Variants in GNG2 observed in about 807,000 individuals in gnomAD.
GNG2 encodes the protein G protein subunit gamma 2.
Under a neutral mutation model 5.5 loss-of-function variants are expected in GNG2, and 5 were observed. That is an observed-to-expected ratio of 0.91 (90% CI 0.48 to 1.92). The LOEUF is 1.92. Ranked by LOEUF, GNG2 falls within the 30% of genes most tolerant of loss-of-function variation. GNG2 has a pLI of 0.01. For missense variants in GNG2, 55 were observed against 88.4 expected, an observed-to-expected ratio of 0.62 and a Z score of 1.52; for synonymous variants, 28 against 32.0, an observed-to-expected ratio of 0.88 and a Z score of 0.42.
chr14:51,859,351 T>G (rs539852452), upstream of GNG2, among the ~76,000 whole-genome samples: 1 of 152,300 alleles, frequency 6.6e-6, no homozygotes, highest in South Asian at 2.1e-4. Context: ...GACTCACACG[T>G]TGAATAAATT....
chr14:51,837,761 T>A (rs1881371895), intron 2 of GNG2, among the ~76,000 whole-genome samples: 1 of 152,062 alleles, frequency 6.6e-6, no homozygotes, highest in South Asian at 2.1e-4. Flanking sequence ...AACTGAAGTA[T>A]TTATAGAGGC....
At chr14:51,831,755 C>G (rs574411904) in intron 2 of GNG2, among the ~76,000 whole-genome samples, 177 of 152,246 alleles carry the variant, frequency 1.2e-3, no homozygotes, top group African/African-American at 4.0e-3. Context: ...TGACCAATGC[C>G]AGCATAGTGT....
upstream of GNG2, among the ~76,000 whole-genome samples, chr14:51,856,255 G>C (rs867989024): frequency 3.0e-4 from 46 of 152,210 alleles, no homozygotes; most frequent in African/African-American, 1.1e-3. Context: ...CAGCATTGCA[G>C]AGAGATTAAA....
upstream of GNG2, among the ~76,000 whole-genome samples, chr14:51,856,614 G>T (rs1882174128): frequency 6.6e-6 from 1 of 152,154 alleles, no homozygotes; most frequent in Non-Finnish European, 1.5e-5. Flanking sequence ...TGTATTTTTA[G>T]TAGAGATGGG....
chr14:51,864,892 A>G (rs1882770568), intron 1 of GNG2, among the ~76,000 whole-genome samples: 1 of 152,202 alleles, frequency 6.6e-6, no homozygotes, highest in Admixed American at 6.5e-5. Context: ...GTTTCTACTA[A>G]TGAAGTGTGA....
At chr14:51,895,865 A>C (rs923588907) in intron 2 of GNG2, among the ~76,000 whole-genome samples, 1 of 152,244 alleles carries the variant, frequency 6.6e-6, no homozygotes, top group Admixed American at 6.5e-5. Flanking sequence ...GATGGTCTTA[A>C]AAATGGGAGT....
chr14:51,848,105 C>G (rs1881722181), intron 2 of GNG2, among the ~76,000 whole-genome samples: 1 of 151,910 alleles, frequency 6.6e-6, no homozygotes, highest in Non-Finnish European at 1.5e-5. Context: ...CTTCCTCACC[C>G]TTACTCTCCT....
At chr14:51,941,891 C>T (rs962162547) in intron 2 of GNG2, among the ~76,000 whole-genome samples, 1 of 152,164 alleles carries the variant, frequency 6.6e-6, no homozygotes, top group South Asian at 2.1e-4. Context: ...AATAAAATTT[C>T]TTCTGTATTA....
At chr14:51,886,568 G>C (rs961500792) in intron 2 of GNG2, among the ~76,000 whole-genome samples, 1 of 152,144 alleles carries the variant, frequency 6.6e-6, no homozygotes, top group Admixed American at 6.5e-5. Context: ...CAAGGATAAG[G>C]GCAGAGTATA....
At chr14:51,915,672 A>G (rs1886577878) in intron 2 of GNG2, among the ~76,000 whole-genome samples, 1 of 152,222 alleles carries the variant, frequency 6.6e-6, no homozygotes, top group African/African-American at 2.4e-5. Context: ...CACAACAGAA[A>G]ATTGGTATTT....
chr14:51,852,139 G>C (rs1881935566), intron 2 of GNG2, among the ~76,000 whole-genome samples: 1 of 152,086 alleles, frequency 6.6e-6, no homozygotes, highest in African/African-American at 2.4e-5. Context: ...GACCATAACT[G>C]ATCTTGAGCC....
At chr14:51,949,132 A>G (rs1044680421) in intron 2 of GNG2, among the ~76,000 whole-genome samples, 8 of 151,934 alleles carry the variant, frequency 5.3e-5, no homozygotes, top group Admixed American at 2.0e-4. Flanking sequence ...AAAAAAAAAA[A>G]AAAAGAAAAG....
At chr14:51,897,444 GAC>G (rs1356875788) in intron 2 of GNG2, among the ~76,000 whole-genome samples, 1 of 152,134 alleles carries the variant, frequency 6.6e-6, no homozygotes, top group Non-Finnish European at 1.5e-5. Flanking sequence ...GTAAACCTGT[GAC>G]GTAAAAAGGA....
chr14:51,942,571 C>CTTTTTCTT (rs142157409), intron 2 of GNG2, among the ~76,000 whole-genome samples: 8 of 55,682 alleles, frequency 1.4e-4, no homozygotes, highest in African/African-American at 4.2e-4. Context: ...TTTATTTTTT[C>CTTTTTCTT]TCTTTCTTTC....
intron 2 of GNG2, among the ~76,000 whole-genome samples, chr14:51,929,597 G>T (rs185858236): frequency 1.3e-5 from 2 of 152,188 alleles, no homozygotes; most frequent in African/African-American, 4.8e-5. Flanking sequence ...TTGGAGGTGG[G>T]TGGGGTTAAT....
chr14:51,859,839 G>T (rs968338378), upstream of GNG2, among the ~76,000 whole-genome samples: 1 of 152,128 alleles, frequency 6.6e-6, no homozygotes, highest in African/African-American at 2.4e-5. Context: ...GGAGTATTCA[G>T]TTTCTCTGTT....
chr14:51,872,019 G>A (rs2357245), intron 1 of GNG2, among the ~76,000 whole-genome samples: 45,772 of 152,096 alleles, frequency 0.3, 7,839 homozygotes, highest in Non-Finnish European at 0.4. Context: ...CATAAGAACC[G>A]GCAGGTGAGT....
intron 2 of GNG2, chr14:51,913,999 T>TTTA (rs1886452486): frequency 8.0e-6 from 4 of 497,034 alleles, no homozygotes; most frequent in African/African-American, 2.0e-5. Context: ...TCACTAAAAT[T>TTTA]TTATCTGTAG....
chr14:51,940,278 GCT>G (rs1025433124), intron 2 of GNG2: 69 of 152,500 alleles, frequency 4.5e-4, no homozygotes, highest in African/African-American at 1.6e-3. Flanking sequence ...AGTGAGTCCA[GCT>G]CTCTGTGTCT....
Sources: gnomAD v4.1 joint callset for allele counts (sites outside exome capture counted in the v4.1 genomes callset) on GRCh38, gnomAD v4.1.1 for gene constraint, MANE v1.5 for transcripts, NCBI Gene and HGNC (gene_info 2026-07-23, HGNC 2026-07-21) for gene names.